The following ALS2CL variants were observed in gnomAD, a reference collection of about 807,000 sequenced individuals.
ALS2CL encodes the protein ALS2 C-terminal-like protein.
ALS2CL carries 112 observed loss-of-function variants against 127.9 expected under a neutral mutation model. That is an observed-to-expected ratio of 0.88 (90% CI 0.75 to 1.02). The LOEUF is 1.02. Ranked by LOEUF, ALS2CL falls within the 50% of genes least tolerant of loss-of-function variation. ALS2CL has a pLI of 0.00. For synonymous variants in ALS2CL, 519 were observed against 527.6 expected (o/e 0.98, Z 0.22); for missense variants, 1,174 against 1,236.7 (o/e 0.95, Z 0.76).
chr3:46,676,651 G>T lies in ALS2CL; in HGVS notation c.2019C>A (p.Tyr673Ter). The change falls in exon 18 of 26, where the codon TAC (tyrosine) becomes TAA (stop). Residue 673 changes from tyrosine (Y) to a stop codon, truncating the protein, a stop_gained. Coordinates refer to ENST00000318962, the MANE Select transcript of ALS2CL (RefSeq NM_147129.5). LOFTEE classifies it high-confidence loss of function. ...CCAGCAGGGCTCTCACCTTCCTGAG[G>T]TACAGCTGCAGGGCCTTGGGCTCCC... is the stretch of plus-strand genomic sequence containing the variant. ...QHREPKALQL[Y>*]LRKALSNSLH... The T allele has an allele frequency of 6.2e-7, 1 of 1,613,456 alleles. No individual in the cohort carries two copies. Among genetic ancestry groups the T allele is most frequent in the Middle Eastern group, 1.7e-4 (1 of 6,056 alleles).
At chr3:46,675,845 TC>T in intron 19 of ALS2CL, 159 bp from the exon 20 acceptor site, 1 of 1,463,556 alleles carries the variant, frequency 6.8e-7, no homozygotes, top group South Asian at 1.4e-5. Flanking sequence ...AGGTTGGAGC[TC>T]CAGGATGTTA....
chr3:46,686,506 C>G lies in ALS2CL; in HGVS notation c.535-67G>C, dbSNP rs1329412520. ...GAATCTTCCCTAGCCCAGTCCTGGT[C>G]CCGGCTGGTGGGGAGGCCTGAATCT... is the stretch of plus-strand genomic sequence containing the variant. On this transcript the variant is annotated intron_variant, in intron 5 of 25. Transcript: ENST00000318962. The surrounding 1 kb of genome is among the most constrained non-coding windows in gnomAD (Gnocchi z 4.3). 5 of 1,551,930 alleles carry G rather than the reference C, an allele frequency of 3.2e-6. No homozygotes were observed. In the South Asian group the frequency reaches 5.0e-5, roughly 15 times the overall value.
intron 21 of ALS2CL, 152 bp from the exon 22 acceptor site, chr3:46,673,533 G>A (rs1358608512): frequency 3.6e-6 from 3 of 837,824 alleles, no homozygotes; most frequent in Non-Finnish European, 5.5e-6. Context: ...GAGGATGGAA[G>A]GATTCCTGGA....
rs575936933 is a variant in ALS2CL, at chr3:46,671,269, G to GCCCCAGGGT, written c.2781+210_2782-206dup. Among the ~76,000 whole-genome samples, 1,029 of 152,264 alleles carry GCCCCAGGGT rather than the reference G, an allele frequency of 6.8e-3. 11 individuals are homozygous for GCCCCAGGGT. The highest frequency in any genetic ancestry group is 0.024 in the African/African-American group (977 of 41,534). On this transcript the variant is annotated intron_variant, in intron 25 of 25. Coordinates refer to ENST00000318962, the MANE Select transcript of ALS2CL (RefSeq NM_147129.5). ...GGGAATGCAGCATGGAGCAATCATG[G>GCCCCAGGGT]CCCCAGGGTCCCCAGGGCTGGGATG... is the stretch of plus-strand genomic sequence containing the variant.
At position 46,687,615 on chromosome 3, in the gene ALS2CL, T is replaced by C; in HGVS notation, c.368+4A>G. ...AGGGGCCAGTGCACCAGCCCTGTGC[T>C]CACCTTCTCCTCTTTGCTGCCTTCT... On this transcript the variant is annotated splice_donor_region_variant and intron_variant, in intron 4 of 25. Coordinates refer to ENST00000318962, the MANE Select transcript of ALS2CL (RefSeq NM_147129.5). The C allele has an allele frequency of 6.2e-7, 1 of 1,612,882 alleles. No homozygotes were observed. The highest frequency in any genetic ancestry group is 1.7e-5 in the Admixed American group (1 of 59,888).
intron 2 of ALS2CL, among the ~76,000 whole-genome samples, chr3:46,688,792 C>T (rs559153428): frequency 6.6e-6 from 1 of 152,322 alleles, no homozygotes; most frequent in East Asian, 1.9e-4. Flanking sequence ...CCATCAGGTG[C>T]CCTAGGTGGG....
Position 46,670,537 on chromosome 3 carries a change from A to G in ALS2CL, c.*447T>C. 6.0e-6 allele frequency: 1 copy of G among 165,744 alleles called. No homozygotes were observed. The highest frequency in any genetic ancestry group is 1.3e-5 in the Non-Finnish European group (1 of 75,554). The allele number at this position is 165,744 out of a possible 1,614,324, so 10.3% of individuals were successfully genotyped here. On this transcript the variant is annotated 3_prime_UTR_variant, in exon 26 of 26. Coordinates refer to ENST00000318962, the MANE Select transcript of ALS2CL (RefSeq NM_147129.5). The surrounding 1 kb of genome is among the most constrained non-coding windows in gnomAD (Gnocchi z 5.5). Reference sequence around the variant, plus strand: ...CCCAGTGAGGCTTCGAGCCTGCCAGAGGTCAATACAGCCCAGCAGACTAAA... The same window carrying G: ...CCCAGTGAGGCTTCGAGCCTGCCAGGGGTCAATACAGCCCAGCAGACTAAA...
chr3:46,676,272 T>C lies in ALS2CL; in HGVS notation c.2159A>G (p.His720Arg). ...GTAGGCAGCCCAGAGTTCCTGGGCA[T>C]GCTGCTTCACCTCCTCCTGGGCCAG... is the stretch of plus-strand genomic sequence containing the variant. The part of the protein sequence containing the change: ...QELAQEEVKQ[H>R]AQELWAAYRG... The change falls in exon 19 of 26, where the codon CAT (histidine) becomes CGT (arginine). Residue 720 changes from histidine to arginine, a missense_variant. Transcript: ENST00000318962. 6.2e-7 allele frequency: 1 copy of C among 1,613,436 alleles called. No homozygotes were observed. Among genetic ancestry groups the C allele is most frequent in the Non-Finnish European group, 8.5e-7 (1 of 1,179,862 alleles).
intron 18 of ALS2CL, 82 bp downstream of exon 18, chr3:46,676,560 C>T: frequency 6.4e-7 from 1 of 1,556,796 alleles, no homozygotes; most frequent in Non-Finnish European, 8.8e-7. Flanking sequence ...TCAGTCAGCA[C>T]CCTGCTATGA....
intron 13 of ALS2CL, 87 bp from the exon 14 acceptor site, chr3:46,680,628 G>T: frequency 8.4e-7 from 1 of 1,195,100 alleles, no homozygotes; most frequent in Non-Finnish European, 1.2e-6. Context: ...GCGGCAGGGA[G>T]TGCAGATAAG....
In ALS2CL at chr3:46,689,371, T is replaced by C. The variant is rs201245962; in HGVS notation, c.70A>G (p.Asn24Asp). 35 of 1,612,588 alleles carry C rather than the reference T, an allele frequency of 2.2e-5. No homozygotes were observed. The highest frequency in any genetic ancestry group is 2.7e-5 in the Non-Finnish European group (32 of 1,179,876). ...AGCAGGGGCTGGAGGACAAGGCTGT[T>C]GACATGGGCGAGGGTGGCTGAGAAG... is the stretch of plus-strand genomic sequence containing the variant. The part of the protein sequence containing the change: ...EVFSATLAHV[N>D]SLVLQPLLPA... The change falls in exon 2 of 26, where the codon AAC becomes GAC. Residue 24 changes from asparagine to aspartate, a missense_variant. Asn to Asp is a conservative substitution (Grantham distance 23, BLOSUM62 1). Coordinates refer to ENST00000318962, the MANE Select transcript of ALS2CL (RefSeq NM_147129.5).
In ALS2CL at chr3:46,676,330, C is replaced by T. The variant is rs139403177; in HGVS notation, c.2101G>A (p.Ala701Thr). ...AGGTGCTTGTTGGCCCCGACACCTG[C>T]GTAGGTAGCCTGGAAGGTCAGCATC... Reference protein sequence around the residue: ...TLMLTFQATYAGVGANKHLQE... With the variant: ...TLMLTFQATYTGVGANKHLQE... The change falls in exon 19 of 26, where the codon GCA (alanine) becomes ACA (threonine). Residue 701 changes from alanine (A) to threonine (T), a missense_variant. Coordinates refer to ENST00000318962, the MANE Select transcript of ALS2CL (RefSeq NM_147129.5). 32 of 1,613,896 alleles carry T rather than the reference C, an allele frequency of 2.0e-5. No individual in the cohort carries two copies. The highest frequency in any genetic ancestry group is 4.0e-5 in the African/African-American group (3 of 74,990).
chr3:46,687,239 G>A, intron 4 of ALS2CL, 91 bp from the exon 5 acceptor site: 2 of 1,384,070 alleles, frequency 1.4e-6, no homozygotes, highest in Non-Finnish European at 1.9e-6. Context: ...AATCCCCTCA[G>A]ATCCCAGGGC....
In ALS2CL at chr3:46,676,413, G is replaced by A; in HGVS notation, c.2029-11C>T. The A allele has an allele frequency of 6.2e-7, 1 of 1,613,668 alleles. No individual in the cohort carries two copies. The highest frequency in any genetic ancestry group is 8.5e-7 in the Non-Finnish European group (1 of 1,179,908). On this transcript the variant is annotated splice_polypyrimidine_tract_variant and intron_variant, in intron 18 of 25. Transcript: ENST00000318962. ...TGAGTTGCTCAGAGCCTGGGCCAGT[G>A]CATAGGCAACAGAGAGAGACTAAGC...
At chr3:46,690,466 A>G (rs984707970) in intron 1 of ALS2CL, among the ~76,000 whole-genome samples, 1 of 152,120 alleles carries the variant, frequency 6.6e-6, no homozygotes, top group African/African-American at 2.4e-5. Flanking sequence ...GGCAGGAATC[A>G]CCTGGGAATG....
rs138482100 is a variant in ALS2CL at position 46,690,548 on chromosome 3, C to T, written c.-25-1083G>A. ...CCTACCCCCACAGCCAGGCTACAGG[C>T]TCTACTCCAACAAAGCCCTCCCCTA... On this transcript the variant is annotated intron_variant, in intron 1 of 25. Coordinates refer to ENST00000318962, the MANE Select transcript of ALS2CL (RefSeq NM_147129.5). Among the ~76,000 whole-genome samples the T allele has an allele frequency of 2.3e-3, 344 of 152,330 alleles. 1 individual carries two copies. The highest frequency in any genetic ancestry group is 7.9e-3 in the African/African-American group (330 of 41,584).
Position 46,683,993 on chromosome 3 carries a change from C to T in ALS2CL, c.841G>A (p.Asp281Asn), listed in dbSNP as rs757499525. The T allele has an allele frequency of 1.3e-6, 2 of 1,586,320 alleles. No homozygotes were observed. Among genetic ancestry groups the T allele is most frequent in the South Asian group, 2.3e-5 (2 of 88,396 alleles). The change falls in exon 8 of 26, where the codon GAC becomes AAC. Residue 281 changes from aspartate (D) to asparagine (N), a missense_variant. Physicochemically the swap from Asp to Asn is conservative, Grantham distance 23. Coordinates refer to ENST00000318962, the MANE Select transcript of ALS2CL (RefSeq NM_147129.5). ...LKLVWVDPGQ[D>N]GCTFHLLTPE... ...TCAGCCGAGGGGGTTGCTCACCCGT[C>T]CTGCCCAGGATCCACCCACACCAGC...
rs1441401620 is a variant in ALS2CL, at chr3:46,686,061, G to A, written c.666+247C>T. On this transcript the variant is annotated intron_variant, in intron 6 of 25. Coordinates refer to ENST00000318962, the MANE Select transcript of ALS2CL (RefSeq NM_147129.5). This position sits in a 1 kb window ranked among gnomAD's most constrained non-coding sequence, Gnocchi z 4.3. ...GGGTGTGATCGGTGATATCCCCAGG[G>A]GAGAGGACTGGTTCTGCTGATTGCC... is the stretch of plus-strand genomic sequence containing the variant. 6.6e-6 allele frequency among the ~76,000 whole-genome samples: 1 copy of A among 152,200 alleles called. No homozygotes were observed. Among genetic ancestry groups the A allele is most frequent in the African/African-American group, 2.4e-5 (1 of 41,450 alleles).
intron 14 of ALS2CL, chr3:46,679,847 A>C: frequency 6.4e-6 from 1 of 156,904 alleles, no homozygotes; most frequent in South Asian, 2.0e-4. Flanking sequence ...ATCAGGCCAG[A>C]GCCCCACATT....
Sources: gnomAD v4.1 joint callset for allele counts (sites outside exome capture counted in the v4.1 genomes callset) on GRCh38, gnomAD v4.1.1 for gene constraint, Gnocchi (gnomAD v3.1) non-coding constraint, MANE v1.5 for transcripts, NCBI Gene and HGNC (gene_info 2026-07-23, HGNC 2026-07-21) for gene names.